The following ERI3 variants were observed in gnomAD, a reference collection of about 807,000 sequenced individuals.
ERI3 encodes the protein ERI1 exoribonuclease family member 3.
ERI3 carries 18 observed loss-of-function variants against 44.4 expected under a neutral mutation model. That is an observed-to-expected ratio of 0.41 (90% CI 0.28 to 0.60). The LOEUF (loss-of-function observed/expected upper bound fraction) is 0.60. ERI3 is among the 20% of genes least tolerant of loss of function. ERI3 has a pLI of 0.36. For missense variants in ERI3, 294 were observed against 435.5 expected, an observed-to-expected ratio of 0.68 and a Z score of 2.89; for synonymous variants, 183 against 164.8, an observed-to-expected ratio of 1.11 and a Z score of -0.84.
At chr1:44,286,565 G>A (rs948188936) in intron 6 of ERI3, among the ~76,000 whole-genome samples, 1 of 152,128 alleles carries the variant, frequency 6.6e-6, no homozygotes, top group African/African-American at 2.4e-5. Context: ...AGAGCGAGGT[G>A]AGCAGAGGGC....
chr1:44,322,954 A>C, intron 3 of ERI3: 1 of 1,419,994 alleles, frequency 7.0e-7, no homozygotes. Flanking sequence ...AAGATTTGTG[A>C]CAATGTGCCC....
In ERI3 at chr1:44,270,409, C is replaced by G. The variant is rs114247273; in HGVS notation, c.831+14426G>C. 7.7e-3 allele frequency among the ~76,000 whole-genome samples: 1,179 copies of G among 152,248 alleles called. 15 individuals are homozygous for G. Among genetic ancestry groups the G allele is most frequent in the African/African-American group, 0.026 (1,095 of 41,524 alleles). ...CTTGTGGTTCCTCACCCAGACAGAC[C>G]AGCCCATACACAATAACAAAGAGGC... is the stretch of plus-strand genomic sequence containing the variant. On this transcript the variant is annotated intron_variant, in intron 7 of 8. Transcript: ENST00000372257.
chr1:44,272,377 A>T (rs762077886), intron 7 of ERI3, among the ~76,000 whole-genome samples: 4 of 151,718 alleles, frequency 2.6e-5, no homozygotes, highest in Non-Finnish European at 5.9e-5. Flanking sequence ...TCCAAGCCAG[A>T]CTCCTCTGGC....
intron 6 of ERI3, among the ~76,000 whole-genome samples, chr1:44,300,154 A>G (rs1241905563): frequency 6.6e-6 from 1 of 151,976 alleles, no homozygotes; most frequent in Non-Finnish European, 1.5e-5. Context: ...GTAAAGAACC[A>G]CTCAGTTATC....
chr1:44,240,852 C>A (rs2154317373), intron 8 of ERI3, among the ~76,000 whole-genome samples: 1 of 152,364 alleles, frequency 6.6e-6, no homozygotes, highest in East Asian at 1.9e-4. Context: ...AGGGTAGGGG[C>A]AGCCCCAGGG....
Position 44,228,991 on chromosome 1 carries a change from C to A in ERI3, c.932-7351G>T, listed in dbSNP as rs2154315622. Among the ~76,000 whole-genome samples, 1 of 152,312 alleles carries A rather than the reference C, an allele frequency of 6.6e-6. No homozygotes were observed. Among genetic ancestry groups the A allele is most frequent in the African/African-American group, 2.4e-5 (1 of 41,566 alleles). ...CACGTTGGGCAGCCAGGGAGGTCCACAAGAGGAGGTGGAGGGTGAATCCCA... is the reference window on the plus strand; with the variant it reads ...CACGTTGGGCAGCCAGGGAGGTCCAAAAGAGGAGGTGGAGGGTGAATCCCA... On this transcript the variant is annotated intron_variant, in intron 8 of 8. Coordinates refer to ENST00000372257, the MANE Select transcript of ERI3 (RefSeq NM_024066.3). The surrounding 1 kb of genome is among the most constrained non-coding windows in gnomAD (Gnocchi z 4.3).
At chr1:44,344,538 G>T (rs1174366024) in intron 2 of ERI3, among the ~76,000 whole-genome samples, 1 of 152,156 alleles carries the variant, frequency 6.6e-6, no homozygotes, top group Admixed American at 6.5e-5. Context: ...AAACACACCT[G>T]CTCCCTGCAG....
At position 44,235,697 on chromosome 1, in the gene ERI3, G is replaced by A. The variant is rs569810070; in HGVS notation, c.931+12242C>T. ...GCTTCCAAAGCCCTGAAGGTTTCAGGCCCTTCCCCACCTCCGTTCCCTTCT... is the reference window on the plus strand; with the variant it reads ...GCTTCCAAAGCCCTGAAGGTTTCAGACCCTTCCCCACCTCCGTTCCCTTCT... On this transcript the variant is annotated intron_variant, in intron 8 of 8. Transcript: ENST00000372257. This position sits in a 1 kb window ranked among gnomAD's most constrained non-coding sequence, Gnocchi z 4.6. 6.6e-6 allele frequency among the ~76,000 whole-genome samples: 1 copy of A among 152,290 alleles called. No individual in the cohort carries two copies. The highest frequency in any genetic ancestry group is 6.5e-5 in the Admixed American group (1 of 15,298).
chr1:44,303,650 T>C (rs1202616702), intron 6 of ERI3, among the ~76,000 whole-genome samples: 1 of 152,064 alleles, frequency 6.6e-6, no homozygotes, highest in Non-Finnish European at 1.5e-5. Context: ...GGCCAGCTCA[T>C]GCATGTGGCT....
At chr1:44,307,972 T>C (rs1381617668) in intron 6 of ERI3, among the ~76,000 whole-genome samples, 1 of 152,198 alleles carries the variant, frequency 6.6e-6, no homozygotes, top group South Asian at 2.1e-4. Flanking sequence ...ATAGTAAACA[T>C]GGTATTTGGC....
intron 6 of ERI3, among the ~76,000 whole-genome samples, chr1:44,290,271 G>C (rs1234150788): frequency 6.6e-6 from 1 of 152,176 alleles, no homozygotes; most frequent in Admixed American, 6.5e-5. Context: ...AGTATGGAGA[G>C]GCTCTGTCTT....
At chr1:44,314,055 C>T (rs903831923) in intron 4 of ERI3, among the ~76,000 whole-genome samples, 5 of 151,800 alleles carry the variant, frequency 3.3e-5, no homozygotes, top group African/African-American at 1.2e-4. Context: ...ATGTCCTGGA[C>T]ACCAACTGGA....
intron 6 of ERI3, among the ~76,000 whole-genome samples, chr1:44,290,827 A>G (rs1277410600): frequency 6.6e-6 from 1 of 152,194 alleles, no homozygotes; most frequent in Non-Finnish European, 1.5e-5. Context: ...GCTGTCAGCC[A>G]GAGGTGCCTA....
At chr1:44,271,173 T>C (rs950470490) in intron 7 of ERI3, among the ~76,000 whole-genome samples, 5 of 152,186 alleles carry the variant, frequency 3.3e-5, no homozygotes, top group Non-Finnish European at 7.3e-5. Flanking sequence ...CTCTAGACAC[T>C]GGCCAATGAT....
chr1:44,271,265 T>C (rs767662630), intron 7 of ERI3, among the ~76,000 whole-genome samples: 98 of 152,334 alleles, frequency 6.4e-4, no homozygotes, highest in Admixed American at 2.2e-3. Flanking sequence ...TAGCTTAAAA[T>C]ACCTGAAAAC....
chr1:44,292,634 G>T (rs1214663816), intron 6 of ERI3, among the ~76,000 whole-genome samples: 1 of 152,198 alleles, frequency 6.6e-6, no homozygotes, highest in African/African-American at 2.4e-5. Context: ...CCAGGCTCAA[G>T]CAAGTGTGCG....
At chr1:44,312,983 G>C (rs1384668350) in intron 5 of ERI3, among the ~76,000 whole-genome samples, 186 bp downstream of exon 5, 2 of 152,240 alleles carry the variant, frequency 1.3e-5, no homozygotes, top group Non-Finnish European at 2.9e-5. Context: ...ACCCTGACGG[G>C]AACAGCTGGA....
intron 7 of ERI3, among the ~76,000 whole-genome samples, chr1:44,276,935 G>C (rs1385840822): frequency 6.6e-6 from 1 of 152,204 alleles, no homozygotes; most frequent in Non-Finnish European, 1.5e-5. Flanking sequence ...GAACAGAGTG[G>C]TTCCACAATG....
intron 1 of ERI3, chr1:44,354,581 T>C (rs2154332778): frequency 2.0e-6 from 2 of 985,404 alleles, no homozygotes; most frequent in South Asian, 4.7e-5. Context: ...TGTGTGGGCA[T>C]GTGTTGGCGA....
Sources: gnomAD v4.1 joint callset for allele counts (sites outside exome capture counted in the v4.1 genomes callset) on GRCh38, gnomAD v4.1.1 for gene constraint, Gnocchi (gnomAD v3.1) non-coding constraint, MANE v1.5 for transcripts, NCBI Gene and HGNC (gene_info 2026-07-23, HGNC 2026-07-21) for gene names.